Variants in DDX11 observed in about 807,000 individuals in gnomAD.
DDX11 encodes the protein ATP-dependent DNA helicase DDX11.
A neutral mutation model predicts 125.2 loss-of-function variants in DDX11; 72 were observed. The ratio of observed to expected loss-of-function variants is 0.58; its 90% CI spans 0.48 to 0.70. The LOEUF is 0.70. Ranked by LOEUF, DDX11 falls within the 30% of genes least tolerant of loss-of-function variation. DDX11 has a pLI of 0.00. For synonymous variants in DDX11, 347 were observed against 452.6 expected, an observed-to-expected ratio of 0.77 and a Z score of 2.96; for missense variants, 883 against 1,165.0, an observed-to-expected ratio of 0.76 and a Z score of 3.52.
At chr12:31,084,191 A>C in intron 3 of DDX11, 130 bp downstream of exon 3, 1 of 1,284,804 alleles carries the variant, frequency 7.8e-7, no homozygotes, top group Non-Finnish European at 1.1e-6. Context: ...CTCTTCCCTC[A>C]GCTCCTTGGG....
chr12:31,078,599 C>A, intron 2 of DDX11, 62 bp downstream of exon 2: 7 of 1,611,220 alleles, frequency 4.3e-6, no homozygotes, highest in Non-Finnish European at 5.9e-6. Flanking sequence ...ACTAGCTTTT[C>A]CTGTTTGCCT....
Position 31,102,219 on chromosome 12 carries a change from G to A in DDX11, c.2203-24G>A, listed in dbSNP as rs1399522100. On this transcript the variant is annotated intron_variant, in intron 21 of 26. Transcript: ENST00000542838. ...ACCTGGCACCCTGAACCTGTCTCTG[G>A]GAAATGTCCTCTGTCTTTCTCAGAT... The A allele has an allele frequency of 1.9e-6, 3 of 1,611,120 alleles. No individual in the cohort carries two copies. The South Asian group carries it at 3.3e-5, about 18-fold the overall frequency.
At chr12:31,074,881 G>C (rs1940481769) in intron 1 of DDX11, among the ~76,000 whole-genome samples, 1 of 152,226 alleles carries the variant, frequency 6.6e-6, no homozygotes, top group Non-Finnish European at 1.5e-5. Flanking sequence ...TAAACTGGGT[G>C]GCTTAGACAC....
chr12:31,088,212 G>GTCC (rs1156761077), intron 6 of DDX11, among the ~76,000 whole-genome samples: 5 of 152,108 alleles, frequency 3.3e-5, no homozygotes, highest in African/African-American at 1.2e-4. Flanking sequence ...GGCCTGGGGA[G>GTCC]TCCTCTCCTG....
chr12:31,101,130 G>A lies in DDX11; in HGVS notation c.2052G>A (p.Met684Ile), dbSNP rs777164362. ...TCCAGAAAAGAGAGCTGCCTCAGAT[G>A]GTCAGTCCCAGCCAGCTCGCCGCAC... is the stretch of plus-strand genomic sequence containing the variant. ...FTFQKRELPQ[M>I]MDEVGRILCN... The change falls in exon 20 of 27, where the codon ATG (methionine) becomes ATA (isoleucine). Residue 684 changes from methionine (M) to isoleucine (I), a missense_variant and splice_region_variant. Transcript: ENST00000542838. 3 of 1,613,904 alleles carry A rather than the reference G, an allele frequency of 1.9e-6. No homozygotes were observed. Among genetic ancestry groups the A allele is most frequent in the East Asian group, 2.2e-5 (1 of 44,870 alleles).
intron 2 of DDX11, among the ~76,000 whole-genome samples, chr12:31,083,002 C>T (rs1263011790): frequency 1.3e-5 from 2 of 152,178 alleles, no homozygotes; most frequent in African/African-American, 4.8e-5. Flanking sequence ...GTAGTCTCAT[C>T]TTAACTAATT....
At position 31,091,805 on chromosome 12, in the gene DDX11, C is replaced by G; in HGVS notation, c.1176C>G (p.Ile392Met). 7 of 1,613,820 alleles carry G rather than the reference C, an allele frequency of 4.3e-6. No homozygotes were observed. The highest frequency in any genetic ancestry group is 1.7e-4 in the Middle Eastern group (1 of 6,056). Residue 392 changes from isoleucine to methionine, a missense_variant, in exon 10 of 27, where the codon ATC (isoleucine) becomes ATG (methionine). This residue lies in a region of DDX11 where 72 missense variants were observed against 159.7 expected (regional missense o/e 0.45). Transcript: ENST00000542838. ...GIRLQDQVVIIDEAHNLIDTI... is the reference protein window; with the variant it reads ...GIRLQDQVVIMDEAHNLIDTI... ...GGCTGCAGGACCAGGTGGTGATCAT[C>G]GACGAGGCGCACAACCTGATCGACA...
At chr12:31,074,434 A>G (rs1940400448) in intron 1 of DDX11, 4 of 152,296 alleles carry the variant, frequency 2.6e-5, no homozygotes, top group Admixed American at 2.6e-4. Flanking sequence ...ATCAGAGCCC[A>G]GAGCCGATAA....
At chr12:31,078,119 A>C (rs1251343067) in intron 1 of DDX11, 2 of 1,149,388 alleles carry the variant, frequency 1.7e-6, no homozygotes, top group Admixed American at 4.4e-5. Flanking sequence ...TATCGGAGCC[A>C]CGGTGAAATG....
intron 1 of DDX11, chr12:31,074,402 A>G (rs1233705741): frequency 6.6e-6 from 1 of 152,222 alleles, no homozygotes; most frequent in Non-Finnish European, 1.5e-5. Flanking sequence ...GCAAGGATAC[A>G]GCTGGGATCC....
In DDX11 at chr12:31,101,999, C is replaced by T. The variant is rs541827483; in HGVS notation, c.2202+17C>T. The T allele has an allele frequency of 4.1e-4, 652 of 1,608,054 alleles. 8 individuals are homozygous for T. The South Asian group carries it at 6.5e-3, about 16-fold the overall frequency. ...AGGAAGAAGGTGAGTGGCCTGTCGG[C>T]AGCCTTCCCACTTGTGAGGACAGTG... is the stretch of plus-strand genomic sequence containing the variant. On this transcript the variant is annotated intron_variant, in intron 21 of 26. Coordinates refer to ENST00000542838, the MANE Select transcript of DDX11 (RefSeq NM_030653.4).
In DDX11 at chr12:31,094,620, G is replaced by A. The variant is rs1944891891; in HGVS notation, c.1400G>A (p.Ser467Asn). 1.3e-6 allele frequency: 2 copies of A among 1,569,974 alleles called. No individual in the cohort carries two copies. Among genetic ancestry groups the A allele is most frequent in the South Asian group, 1.2e-5 (1 of 85,654 alleles). ...ATTAAGCAAAATCCCAATACACAGA[G>A]TCTGTCACAGACAGGTAAGAGAGTT... Reference protein sequence around the residue: ...GNIKQNPNTQSLSQTGTELKT... With the variant: ...GNIKQNPNTQNLSQTGTELKT... Residue 467 changes from serine (S) to asparagine (N), a missense_variant, in exon 13 of 27, where the codon AGT (serine) becomes AAT (asparagine). This residue lies in a region of DDX11 where 241 missense variants were observed against 279.7 expected (regional missense o/e 0.86). Transcript: ENST00000542838.
chr12:31,080,483 A>T (rs1941682851), intron 2 of DDX11, among the ~76,000 whole-genome samples: 1 of 152,164 alleles, frequency 6.6e-6, no homozygotes, highest in African/African-American at 2.4e-5. Flanking sequence ...TTGTTCTTAA[A>T]AAGAATTTCA....
Position 31,097,943 on chromosome 12 carries a change from C to G in DDX11, c.1821C>G (p.Ala607=). ...TCCTGAATCCAGCTGTGCACTTTGC[C>G]CAAGTGGTGAAGGAATGCCGGGCAG... ...FLLLNPAVHF[A]QVVKECRAVV... The change falls in exon 18 of 27, where the codon GCC becomes GCG. Residue 607 remains alanine, a synonymous_variant. Transcript: ENST00000542838. 1 of 1,613,876 alleles carries G rather than the reference C, an allele frequency of 6.2e-7. No homozygotes were observed. Among genetic ancestry groups the G allele is most frequent in the Non-Finnish European group, 8.5e-7 (1 of 1,179,886 alleles).
At chr12:31,094,715 A>G (rs776836051) in intron 13 of DDX11, 40 bp from the exon 14 acceptor site, 11 of 1,589,584 alleles carry the variant, frequency 6.9e-6, no homozygotes, top group Non-Finnish European at 9.5e-6. Context: ...CCTGAGGCTT[A>G]GGGTGAAGCT....
chr12:31,091,634 C>G (rs1301549691), intron 9 of DDX11, 85 bp from the exon 10 acceptor site: 6 of 1,441,970 alleles, frequency 4.2e-6, no homozygotes, highest in Non-Finnish European at 5.7e-6. Flanking sequence ...AATAGAAGCA[C>G]TCACATCAGG....
intron 9 of DDX11, 40 bp from the exon 10 acceptor site, chr12:31,091,679 G>A (rs1323060416): frequency 6.4e-7 from 1 of 1,573,460 alleles, no homozygotes; most frequent in East Asian, 2.4e-5. Flanking sequence ...TCCTGCAGGG[G>A]AGCCCCGCCC....
rs1336893009 is a variant in DDX11, at chr12:31,101,901, C to T, written c.2121C>T (p.Phe707=). The change falls in exon 21 of 27, where the codon TTC becomes TTT. Residue 707 remains phenylalanine, a synonymous_variant. Transcript: ENST00000542838. ...TTCCTGGAGGGGTGGTCTGTTTCTT[C>T]CCCTCCTACGAGTACCTGCGCCAGG... The part of the protein sequence containing the change: ...GVVPGGVVCF[F]PSYEYLRQVH... 1.2e-6 allele frequency: 2 copies of T among 1,613,912 alleles called. No individual in the cohort carries two copies. The highest frequency in any genetic ancestry group is 2.2e-5 in the East Asian group (1 of 44,876).
In DDX11 at chr12:31,103,926, C is replaced by T; in HGVS notation, c.*90C>T. The T allele has an allele frequency of 6.2e-7, 1 of 1,613,442 alleles. No individual in the cohort carries two copies. On this transcript the variant is annotated 3_prime_UTR_variant, in exon 27 of 27. Transcript: ENST00000542838. ...TGTCGTGGGCGTGGTCTGCGGGGAT[C>T]CTGTTACAAAGGTGAAACCCAGGAG...
Sources: allele counts gnomAD v4.1 joint callset (sites outside exome capture counted in the v4.1 genomes callset), GRCh38; gene constraint gnomAD v4.1.1; regional missense constraint gnomAD v4.1.1; transcripts MANE v1.5; gene names NCBI Gene and HGNC (gene_info 2026-07-23, HGNC 2026-07-21).